Variants in CNBD1 observed in about 807,000 individuals in gnomAD.
CNBD1 encodes the protein cyclic nucleotide-binding domain-containing protein 1.
In CNBD1, 71 loss-of-function variants were observed where a neutral mutation model predicts 54.4. The ratio of observed to expected loss-of-function variants is 1.30; its 90% CI spans 1.08 to 1.59. The LOEUF is 1.59. Ranked by LOEUF, CNBD1 falls within the 40% of genes most tolerant of loss-of-function variation. The pLI is 0.00. For missense variants in CNBD1, 659 were observed against 518.0 expected (o/e 1.27, Z -2.64); for synonymous variants, 182 against 170.7 (o/e 1.07, Z -0.51).
At chr8:87,378,750 G>T (rs1162181338) in intron 10 of CNBD1, among the ~76,000 whole-genome samples, 1 of 151,118 alleles carries the variant, frequency 6.6e-6, no homozygotes, top group Non-Finnish European at 1.5e-5. Context: ...TGGGCAGTAT[G>T]GACATTTTCA....
At chr8:86,938,110 C>A (rs2130422054) in intron 3 of CNBD1, among the ~76,000 whole-genome samples, 1 of 148,292 alleles carries the variant, frequency 6.7e-6, no homozygotes, top group South Asian at 2.1e-4. Flanking sequence ...GTTCAAAGTG[C>A]TATAGATCTC....
chr8:87,017,395 T>C (rs1424695847), intron 4 of CNBD1, among the ~76,000 whole-genome samples: 1 of 152,300 alleles, frequency 6.6e-6, no homozygotes. Context: ...TTGGGGCTAA[T>C]GGCAAAAACC....
chr8:87,366,743 C>T (rs74405592), intron 10 of CNBD1, among the ~76,000 whole-genome samples: 2,289 of 152,108 alleles, frequency 0.015, 59 homozygotes, highest in African/African-American at 0.049. Context: ...CTTTCCACTG[C>T]CATCCCTAAG....
chr8:87,385,770 T>G (rs986715555), downstream of CNBD1, among the ~76,000 whole-genome samples: 3 of 152,140 alleles, frequency 2.0e-5, no homozygotes, highest in Admixed American at 6.5e-5. Flanking sequence ...AAGAGAGTAG[T>G]GGTTCTCCCA....
intron 4 of CNBD1, among the ~76,000 whole-genome samples, chr8:87,151,664 C>A (rs1046278505): frequency 1.2e-4 from 18 of 152,038 alleles, no homozygotes; most frequent in Admixed American, 1.1e-3. Context: ...ATGTTACACC[C>A]TTTTGACTTC....
intron 6 of CNBD1, among the ~76,000 whole-genome samples, chr8:87,263,280 A>C (rs1808179078): frequency 6.6e-6 from 1 of 152,186 alleles, no homozygotes; most frequent in Non-Finnish European, 1.5e-5. Context: ...TTTGTATATA[A>C]TAATACTAGC....
At position 87,025,234 on chromosome 8, in the gene CNBD1, A is replaced by C. The variant is rs373802442; in HGVS notation, c.431+85480A>C. Reference sequence around the variant, plus strand: ...GACCAATCAGCGCTCTGTAAAATGGACCAATCCCCAGGATGTGGGTGGGGC... The same window carrying C: ...GACCAATCAGCGCTCTGTAAAATGGCCCAATCCCCAGGATGTGGGTGGGGC... On this transcript the variant is annotated intron_variant, in intron 4 of 10. Coordinates refer to ENST00000518476, the MANE Select transcript of CNBD1 (RefSeq NM_173538.3). Among the ~76,000 whole-genome samples the C allele has an allele frequency of 1.1e-4, 16 of 152,168 alleles. No individual in the cohort carries two copies. The East Asian group carries it at 2.1e-3, about 20-fold the overall frequency.
intron 2 of CNBD1, among the ~76,000 whole-genome samples, chr8:87,406,116 G>T (rs1420355111): frequency 6.6e-6 from 1 of 151,914 alleles, no homozygotes; most frequent in Non-Finnish European, 1.5e-5. Context: ...TTCTTAATTA[G>T]ATAATGATAC....
At chr8:86,933,272 G>C (rs2130409251) in intron 3 of CNBD1, among the ~76,000 whole-genome samples, 1 of 152,192 alleles carries the variant, frequency 6.6e-6, no homozygotes, top group African/African-American at 2.4e-5. Context: ...TAGTAGCCAA[G>C]TTTGTATACA....
Position 87,250,960 on chromosome 8 carries a change from A to G in CNBD1, c.771+13848A>G, listed in dbSNP as rs140224266. Among the ~76,000 whole-genome samples the G allele has an allele frequency of 3.1e-3, 474 of 152,260 alleles. 2 individuals carry two copies. The highest frequency in any genetic ancestry group is 0.011 in the African/African-American group (442 of 41,556). ...AATAATAGTTTATTGCATATTTTCA[A>G]ATAACCAAAAGAATGGAATTGCAAT... On this transcript the variant is annotated intron_variant, in intron 6 of 10. Transcript: ENST00000518476.
chr8:86,947,215 A>G (rs562808624), intron 4 of CNBD1, among the ~76,000 whole-genome samples: 1 of 152,250 alleles, frequency 6.6e-6, no homozygotes, highest in African/African-American at 2.4e-5. Context: ...CTGAACATTT[A>G]GTCTAAGAAA....
chr8:87,290,782 T>G (rs1370225984), intron 8 of CNBD1, among the ~76,000 whole-genome samples: 1 of 152,208 alleles, frequency 6.6e-6, no homozygotes, highest in Non-Finnish European at 1.5e-5. Context: ...AAGTTAAAAA[T>G]GCAATCCCAC....
intron 4 of CNBD1, among the ~76,000 whole-genome samples, chr8:87,047,509 A>G (rs1416959497): frequency 6.6e-6 from 1 of 152,204 alleles, no homozygotes; most frequent in African/African-American, 2.4e-5. Flanking sequence ...TGCCTCTAAC[A>G]GTGAATGCTA....
chr8:87,168,606 A>G (rs993849144), intron 4 of CNBD1, among the ~76,000 whole-genome samples: 2 of 151,704 alleles, frequency 1.3e-5, no homozygotes, highest in Non-Finnish European at 2.9e-5. Flanking sequence ...AGCCTTTGGT[A>G]ACCATCCTTC....
intron 4 of CNBD1, among the ~76,000 whole-genome samples, chr8:87,188,074 A>G (rs1046175582): frequency 1.3e-5 from 2 of 152,132 alleles, no homozygotes; most frequent in African/African-American, 4.8e-5. Context: ...TGTTTCTTGA[A>G]TACTTGATTC....
At chr8:86,985,513 A>T (rs1586180520) in intron 4 of CNBD1, among the ~76,000 whole-genome samples, 1 of 152,078 alleles carries the variant, frequency 6.6e-6, no homozygotes, top group Non-Finnish European at 1.5e-5. Context: ...GCATCAATTC[A>T]CTTAGGATTA....
chr8:87,203,566 C>G (rs1414512232), intron 4 of CNBD1, among the ~76,000 whole-genome samples: 4 of 152,144 alleles, frequency 2.6e-5, no homozygotes, highest in African/African-American at 9.7e-5. Flanking sequence ...CATTTTTGAA[C>G]AGTTAGCATC....
chr8:87,343,045 C>A (rs1270018941), intron 8 of CNBD1, among the ~76,000 whole-genome samples: 2 of 152,110 alleles, frequency 1.3e-5, no homozygotes, highest in Non-Finnish European at 2.9e-5. Context: ...AGACCTACCC[C>A]CAGGAATGCA....
intron 4 of CNBD1, among the ~76,000 whole-genome samples, chr8:86,962,449 T>C (rs1179369786): frequency 6.6e-6 from 1 of 152,094 alleles, no homozygotes; most frequent in Non-Finnish European, 1.5e-5. Flanking sequence ...GGGCAGAGAA[T>C]ACAGTGATTT....
Sources: gnomAD v4.1 joint callset for allele counts (sites outside exome capture counted in the v4.1 genomes callset) on GRCh38, gnomAD v4.1.1 for gene constraint, MANE v1.5 for transcripts, NCBI Gene and HGNC (gene_info 2026-07-23, HGNC 2026-07-21) for gene names.